DACH1: variants seen among roughly 807,000 people sequenced by gnomAD.
The protein encoded by DACH1 is dachshund family transcription factor 1.
In DACH1, 12 loss-of-function variants were observed where a neutral mutation model predicts 54.2. The observed-to-expected ratio is 0.22, with a 90% CI of 0.14 to 0.36. The LOEUF (loss-of-function observed/expected upper bound fraction) is 0.36, where lower values mean the gene tolerates loss of function less well. Among genes scored for constraint, DACH1 ranks in the 10% least tolerant of loss-of-function variants. The pLI, the probability that DACH1 is intolerant of heterozygous loss-of-function variation, is 1.00. For missense variants in DACH1, 805 were observed against 929.8 expected, an observed-to-expected ratio of 0.87 and a Z score of 1.75; for synonymous variants, 386 against 366.2, an observed-to-expected ratio of 1.05 and a Z score of -0.62.
At chr13:71,643,300 AAG>A in intron 2 of DACH1, among the ~76,000 whole-genome samples, 1 of 152,336 alleles carries the variant, frequency 6.6e-6, no homozygotes, top group Admixed American at 6.5e-5. Flanking sequence ...CAGTCCTACA[AAG>A]AGTTTCAAAA....
chr13:71,590,246 T>C (rs1873600337), intron 3 of DACH1, among the ~76,000 whole-genome samples: 1 of 152,108 alleles, frequency 6.6e-6, no homozygotes, highest in Non-Finnish European at 1.5e-5. Flanking sequence ...ACCAAGTCTC[T>C]ATATCATGAA....
chr13:71,689,325 C>T (rs570072002), intron 1 of DACH1, among the ~76,000 whole-genome samples: 3 of 152,218 alleles, frequency 2.0e-5, no homozygotes, highest in Non-Finnish European at 4.4e-5. Context: ...ATTAATATTA[C>T]TGCATACATA....
intron 6 of DACH1, 130 bp from the exon 7 acceptor site, chr13:71,489,278 C>CAGAAAGCAT: frequency 1.0e-6 from 1 of 973,600 alleles, no homozygotes; most frequent in Non-Finnish European, 1.5e-6. Context: ...GGAGAAAATG[C>CAGAAAGCAT]TTTCTGCTGA....
chr13:71,548,824 A>G (rs960110903), intron 6 of DACH1, among the ~76,000 whole-genome samples: 2 of 151,952 alleles, frequency 1.3e-5, no homozygotes, highest in African/African-American at 4.8e-5. Flanking sequence ...GCTGAGACCC[A>G]AGGATCACTT....
intron 1 of DACH1, among the ~76,000 whole-genome samples, chr13:71,864,507 C>T (rs1874584137): frequency 6.6e-6 from 1 of 152,078 alleles, no homozygotes; most frequent in African/African-American, 2.4e-5. Flanking sequence ...ACACTAACTC[C>T]GCTCCTTCTC....
intron 1 of DACH1, among the ~76,000 whole-genome samples, chr13:71,688,209 C>A (rs1156702952): frequency 6.6e-6 from 1 of 152,132 alleles, no homozygotes; most frequent in East Asian, 1.9e-4. Flanking sequence ...AGGAAATAGA[C>A]CCAACAGCAC....
intron 10 of DACH1, among the ~76,000 whole-genome samples, chr13:71,447,498 C>A (rs1229857139): frequency 6.6e-6 from 1 of 151,996 alleles, no homozygotes; most frequent in Admixed American, 6.6e-5. Flanking sequence ...GAGTATTGAA[C>A]AGATTGATCA....
intron 6 of DACH1, among the ~76,000 whole-genome samples, chr13:71,524,029 T>G (rs1308705519): frequency 6.6e-6 from 1 of 152,176 alleles, no homozygotes; most frequent in South Asian, 2.1e-4. Flanking sequence ...AAAATGTTCG[T>G]ATTTACTTCA....
intron 1 of DACH1, among the ~76,000 whole-genome samples, chr13:71,835,587 G>A (rs756554842): frequency 2.0e-5 from 3 of 151,852 alleles, no homozygotes; most frequent in Non-Finnish European, 4.4e-5. Context: ...ATGTATTGGT[G>A]AAAAAAAGAG....
intron 3 of DACH1, among the ~76,000 whole-genome samples, chr13:71,576,494 A>C (rs752477111): frequency 2.9e-4 from 44 of 152,108 alleles, no homozygotes; most frequent in Non-Finnish European, 5.9e-4. Flanking sequence ...TCCTTGGCTC[A>C]CCCTCACTTG....
chr13:71,475,651 G>A, intron 9 of DACH1, 55 bp downstream of exon 9: 1 of 1,546,464 alleles, frequency 6.5e-7, no homozygotes, highest in South Asian at 1.2e-5. Flanking sequence ...TGCCTAAACT[G>A]TCCTTTAAGC....
chr13:71,853,814 G>C (rs529032405), intron 1 of DACH1, among the ~76,000 whole-genome samples: 135 of 152,196 alleles, frequency 8.9e-4, no homozygotes, highest in African/African-American at 3.1e-3. Context: ...ACAAATTTTT[G>C]ATTCTAACAA....
chr13:71,766,943 T>C (rs539182237), intron 1 of DACH1, among the ~76,000 whole-genome samples: 1 of 152,046 alleles, frequency 6.6e-6, no homozygotes, highest in Non-Finnish European at 1.5e-5. Flanking sequence ...AACTATAGTC[T>C]AGATAAAGAT....
At chr13:71,551,895 C>G (rs182223272) in intron 6 of DACH1, among the ~76,000 whole-genome samples, 2 of 151,896 alleles carry the variant, frequency 1.3e-5, no homozygotes, top group African/African-American at 4.8e-5. Context: ...AGTTTTTATA[C>G]AAAGATGTTA....
chr13:71,852,342 C>T (rs575012149), intron 1 of DACH1, among the ~76,000 whole-genome samples: 1 of 150,902 alleles, frequency 6.6e-6, no homozygotes, highest in African/African-American at 2.4e-5. Context: ...CAAATTCAAA[C>T]ATTGTTACAT....
chr13:71,466,998 A>C (rs1464225158), intron 10 of DACH1, among the ~76,000 whole-genome samples: 1 of 152,034 alleles, frequency 6.6e-6, no homozygotes, highest in Non-Finnish European at 1.5e-5. Context: ...TTTCGTAAGG[A>C]CCAGTTTAGA....
At chr13:71,685,095 T>C (rs1255004252) in intron 1 of DACH1, among the ~76,000 whole-genome samples, 6 of 152,154 alleles carry the variant, frequency 3.9e-5, no homozygotes, top group Admixed American at 1.3e-4. Context: ...TAGGAGTACT[T>C]TATTATTCTG....
At chr13:71,775,795 A>G (rs1950291929) in intron 1 of DACH1, among the ~76,000 whole-genome samples, 3 of 152,180 alleles carry the variant, frequency 2.0e-5, no homozygotes, top group Admixed American at 2.0e-4. Context: ...CTAACATCAT[A>G]TTAGTATGAA....
rs973163470 is a variant in DACH1 at position 71,464,071 on chromosome 13, T to A, written c.2083+11070A>T. ...CAGTTGTTAATAATAACAAATAGAT[T>A]TTTACAGACTAATTTCTTTTAACCA... On this transcript the variant is annotated intron_variant, in intron 10 of 10. Coordinates refer to ENST00000613252, the MANE Select transcript of DACH1 (RefSeq NM_080759.6). 1.1e-3 allele frequency among the ~76,000 whole-genome samples: 163 copies of A among 152,120 alleles called. 1 individual carries two copies. The highest frequency in any genetic ancestry group is 3.9e-4 in the East Asian group (2 of 5,188).
Sources: gnomAD v4.1 joint callset for allele counts (sites outside exome capture counted in the v4.1 genomes callset) on GRCh38, gnomAD v4.1.1 for gene constraint, MANE v1.5 for transcripts, NCBI Gene and HGNC (gene_info 2026-07-23, HGNC 2026-07-21) for gene names.